Variants in IMMP1L observed in about 807,000 individuals in gnomAD.
The protein encoded by IMMP1L is mitochondrial inner membrane protease subunit 1.
A neutral mutation model predicts 21.8 loss-of-function variants in IMMP1L; 24 were observed. The ratio of observed to expected loss-of-function variants is 1.10; its 90% CI spans 0.80 to 1.55. IMMP1L has a LOEUF of 1.55. IMMP1L is among the 40% of genes most tolerant of loss of function. The pLI is 0.00. For synonymous variants in IMMP1L, 46 were observed against 62.8 expected, an observed-to-expected ratio of 0.73 and a Z score of 1.26; for missense variants, 195 against 200.7, an observed-to-expected ratio of 0.97 and a Z score of 0.17.
chr11:31,476,304 T>C (rs1162255543), intron 1 of IMMP1L, among the ~76,000 whole-genome samples: 1 of 152,088 alleles, frequency 6.6e-6, no homozygotes, highest in African/African-American at 2.4e-5. Flanking sequence ...TTCTCATTTA[T>C]TCATTCAAAA....
At chr11:31,493,111 A>G (rs900652843) in intron 1 of IMMP1L, among the ~76,000 whole-genome samples, 11 of 152,180 alleles carry the variant, frequency 7.2e-5, no homozygotes, top group African/African-American at 9.7e-5. Context: ...TAGTTTTTCT[A>G]CAAAAAATGT....
intron 1 of IMMP1L, among the ~76,000 whole-genome samples, chr11:31,493,944 T>C (rs1278018270): frequency 2.6e-5 from 4 of 152,210 alleles, no homozygotes; most frequent in African/African-American, 9.6e-5. Flanking sequence ...TCTACGGCTT[T>C]GCAGGGTACA....
intron 4 of IMMP1L, among the ~76,000 whole-genome samples, chr11:31,451,002 G>C (rs1161584439): frequency 6.6e-6 from 1 of 152,126 alleles, no homozygotes; most frequent in Non-Finnish European, 1.5e-5. Flanking sequence ...ATAGGAAATA[G>C]TCCAGGTGTT....
chr11:31,484,816 G>A lies in IMMP1L; in HGVS notation c.-29-21511C>T, dbSNP rs191695069. On this transcript the variant is annotated intron_variant, in intron 1 of 5. Transcript: ENST00000532287. ...TGTTTATAAGGCAATTTCCAACGAT[G>A]TGCTCACTGCAATAAACTACATAAA... Among the ~76,000 whole-genome samples, 450 of 151,944 alleles carry A rather than the reference G, an allele frequency of 3.0e-3. 2 individuals are homozygous for A. The highest frequency in any genetic ancestry group is 1.0e-2 in the African/African-American group (415 of 41,514).
At chr11:31,442,600 T>G (rs1953374352) in intron 4 of IMMP1L, among the ~76,000 whole-genome samples, 1 of 152,194 alleles carries the variant, frequency 6.6e-6, no homozygotes, top group Non-Finnish European at 1.5e-5. Flanking sequence ...ATTTTATAGT[T>G]TACAACCAGC....
In IMMP1L at chr11:31,456,360, G is replaced by A. The variant is rs147462733; in HGVS notation, c.221C>T (p.Pro74Leu). The change falls in exon 4 of 6, where the codon CCA becomes CTA. Residue 74 changes from proline (P) to leucine (L), a missense_variant. By Grantham distance (98) the Pro-to-Leu change is moderately conservative. Transcript: ENST00000532287. ...ACAAATATTTGATTTTGGATCACTT[G>A]GGCTTTTTGCAATCACAATGTCACC... ...QRGDIVIAKS[P>L]SDPKSNICKR... 13 of 1,610,634 alleles carry A rather than the reference G, an allele frequency of 8.1e-6. No homozygotes were observed. The highest frequency in any genetic ancestry group is 1.1e-5 in the Non-Finnish European group (13 of 1,177,680).
Position 31,432,410 on chromosome 11 carries a change from A to G in IMMP1L, c.*90T>C, listed in dbSNP as rs1952936069. ...TAAAAACAACTAAAACTGAATAGCA[A>G]ATAGTTTATTGGTAAGTACACGGTT... is the stretch of plus-strand genomic sequence containing the variant. On this transcript the variant is annotated 3_prime_UTR_variant, in exon 6 of 6. Coordinates refer to ENST00000532287, the MANE Select transcript of IMMP1L (RefSeq NM_001304274.2). 2.4e-6 allele frequency: 2 copies of G among 847,228 alleles called. No individual in the cohort carries two copies. Among genetic ancestry groups the G allele is most frequent in the African/African-American group, 1.7e-5 (1 of 59,132 alleles). 52.5% of individuals were successfully genotyped at this position (847,228 alleles called of 1,614,324 possible). A position where few individuals can be genotyped will look rare whatever the true frequency, so the allele number is the denominator to read the frequency against.
In IMMP1L at chr11:31,505,719, A is replaced by G. The variant is rs570756193; in HGVS notation, c.-30+3800T>C. Among the ~76,000 whole-genome samples the G allele has an allele frequency of 2.0e-5, 3 of 152,294 alleles. No individual in the cohort carries two copies. In the South Asian group the frequency reaches 6.2e-4, roughly 32 times the overall value. ...CTCTGTCTCTGGCACCCTTGAGACT[A>G]CAAGACCAACCCCTCCTCTTCCTCC... On this transcript the variant is annotated intron_variant, in intron 1 of 5. Transcript: ENST00000532287.
At chr11:31,440,306 T>C (rs1242115050) in intron 4 of IMMP1L, among the ~76,000 whole-genome samples, 1 of 152,202 alleles carries the variant, frequency 6.6e-6, no homozygotes, top group Non-Finnish European at 1.5e-5. Flanking sequence ...TGTCCAGTTT[T>C]CTAGTTGTTT....
At chr11:31,469,376 C>A (rs1954469904) in intron 1 of IMMP1L, among the ~76,000 whole-genome samples, 3 of 151,778 alleles carry the variant, frequency 2.0e-5, no homozygotes, top group South Asian at 4.2e-4. Flanking sequence ...GAAGGAAAGA[C>A]AAAAGTTCAG....
intron 4 of IMMP1L, among the ~76,000 whole-genome samples, chr11:31,448,565 A>G (rs1953619639): frequency 1.3e-5 from 2 of 152,220 alleles, no homozygotes; most frequent in South Asian, 4.1e-4. Flanking sequence ...CTGCCTCTCT[A>G]GATTCATACC....
Position 31,449,446 on chromosome 11 carries a change from A to C in IMMP1L, c.321+6814T>G, listed in dbSNP as rs565604632. Among the ~76,000 whole-genome samples, 52 of 152,328 alleles carry C rather than the reference A, an allele frequency of 3.4e-4. No homozygotes were observed. In the South Asian group the frequency reaches 0.011, roughly 31 times the overall value. ...GACCATTTTGTAATGCTAATTAGTAAGATTGTTTCTTAGGTTGTCCATCAG... is the reference window on the plus strand; with the variant it reads ...GACCATTTTGTAATGCTAATTAGTACGATTGTTTCTTAGGTTGTCCATCAG... On this transcript the variant is annotated intron_variant, in intron 4 of 5. Transcript: ENST00000532287.
chr11:31,464,014 C>A (rs1033594683), intron 1 of IMMP1L, among the ~76,000 whole-genome samples: 5 of 152,040 alleles, frequency 3.3e-5, no homozygotes, highest in Non-Finnish European at 7.4e-5. Context: ...TTTCTAATAT[C>A]TGTCCTTTAC....
intron 4 of IMMP1L, among the ~76,000 whole-genome samples, chr11:31,442,919 G>T (rs895516697): frequency 6.6e-6 from 1 of 152,024 alleles, no homozygotes; most frequent in Non-Finnish European, 1.5e-5. Context: ...ATGTTTCAAA[G>T]ATTTTATTTT....
intron 3 of IMMP1L, among the ~76,000 whole-genome samples, chr11:31,458,738 ATC>A (rs1407511112): frequency 6.6e-6 from 1 of 152,240 alleles, no homozygotes; most frequent in Non-Finnish European, 1.5e-5. Context: ...ACTTTGGTAT[ATC>A]TCATAAATGC....
intron 3 of IMMP1L, among the ~76,000 whole-genome samples, chr11:31,457,555 T>A (rs1016084098): frequency 1.3e-4 from 20 of 152,104 alleles, no homozygotes; most frequent in Non-Finnish European, 1.9e-4. Flanking sequence ...AAAGGAAAAT[T>A]ATGAAGAAAT....
intron 1 of IMMP1L, among the ~76,000 whole-genome samples, chr11:31,470,754 A>C (rs1954520953): frequency 6.6e-6 from 1 of 152,334 alleles, no homozygotes; most frequent in African/African-American, 2.4e-5. Context: ...GAATAAAGAA[A>C]ATGTGGTATA....
At chr11:31,452,282 A>G (rs775651916) in intron 4 of IMMP1L, 189 of 983,662 alleles carry the variant, frequency 1.9e-4, no homozygotes, top group Non-Finnish European at 2.1e-4. Flanking sequence ...ATGGATTAAA[A>G]GCATAGTCCT....
intron 1 of IMMP1L, among the ~76,000 whole-genome samples, chr11:31,492,228 G>A (rs1006017132): frequency 6.6e-6 from 1 of 152,180 alleles, no homozygotes; most frequent in Non-Finnish European, 1.5e-5. Flanking sequence ...GAGGTAACTT[G>A]CTGCAGCTTG....
Sources: gnomAD v4.1 joint callset for allele counts (sites outside exome capture counted in the v4.1 genomes callset) on GRCh38, gnomAD v4.1.1 for gene constraint, MANE v1.5 for transcripts, NCBI Gene and HGNC (gene_info 2026-07-23, HGNC 2026-07-21) for gene names.